The following NEXMIF variants were observed in gnomAD, a reference collection of about 807,000 sequenced individuals.
The protein encoded by NEXMIF is XLMR protein related to neurite extension.
NEXMIF carries 8 observed loss-of-function variants against 62.1 expected under a neutral mutation model. The observed-to-expected ratio is 0.13, with a 90% CI of 0.08 to 0.23. The LOEUF (loss-of-function observed/expected upper bound fraction) is 0.23, where lower values mean the gene tolerates loss of function less well. NEXMIF is among the 10% of genes least tolerant of loss of function. The pLI is 1.00. For missense variants in NEXMIF, 976 were observed against 1,113.3 expected (o/e 0.88, Z 1.75); for synonymous variants, 404 against 416.6 (o/e 0.97, Z 0.37).
intron 1 of NEXMIF, among the ~76,000 whole-genome samples, chrX:74,764,670 A>T (rs183827433): frequency 2.4e-4 from 27 of 110,998 alleles, no homozygotes; most frequent in Admixed American, 1.5e-3. Context: ...CCTCAATTTC[A>T]TCATTCACCC....
At chrX:74,793,688 T>C (rs2080294478) in intron 1 of NEXMIF, among the ~76,000 whole-genome samples, 1 of 104,051 alleles carries the variant, frequency 9.6e-6, no homozygotes, top group South Asian at 4.5e-4. Flanking sequence ...TTTATTCTTT[T>C]TTCTCTAAAC....
At chrX:74,858,754 G>A (rs1380465508) in intron 1 of NEXMIF, among the ~76,000 whole-genome samples, 2 of 110,101 alleles carry the variant, frequency 1.8e-5, no homozygotes, top group Non-Finnish European at 3.8e-5. Flanking sequence ...GCTGTTTTGA[G>A]GAAATTCAAA....
rs1422635812 is a variant in NEXMIF, at chrX:74,795,270, T to C, written c.-47-49573A>G. Among the ~76,000 whole-genome samples, 25 of 112,356 alleles carry C rather than the reference T, an allele frequency of 2.2e-4. No homozygotes were observed. The Admixed American group carries it at 2.4e-3, about 11-fold the overall frequency. ...AACTTTATTCCTAATTTCTCAAAGC[T>C]AAAAACAATCAAGATGTCTTTCAAC... On this transcript the variant is annotated intron_variant, in intron 1 of 3. Coordinates refer to ENST00000055682, the MANE Select transcript of NEXMIF (RefSeq NM_001008537.3).
At chrX:74,791,396 T>C (rs1421880137) in intron 1 of NEXMIF, among the ~76,000 whole-genome samples, 2 of 111,456 alleles carry the variant, frequency 1.8e-5, no homozygotes, top group Admixed American at 9.5e-5. Flanking sequence ...TTATTGAGGA[T>C]TTTTGCATCA....
At position 74,779,850 on chromosome X, in the gene NEXMIF, T is replaced by G. The variant is rs190226587; in HGVS notation, c.-47-34153A>C. Among the ~76,000 whole-genome samples, 10 of 111,892 alleles carry G rather than the reference T, an allele frequency of 8.9e-5. No individual in the cohort carries two copies. In the Admixed American group the frequency reaches 9.5e-4, roughly 11 times the overall value. ...TTTTAGGATTTTACATCTACCACCATACCCTGCCCCTAAACACATAGCTGG... is the reference window on the plus strand; with the variant it reads ...TTTTAGGATTTTACATCTACCACCAGACCCTGCCCCTAAACACATAGCTGG... On this transcript the variant is annotated intron_variant, in intron 1 of 3. Transcript: ENST00000055682.
chrX:74,844,547 C>A (rs746514730), intron 1 of NEXMIF, among the ~76,000 whole-genome samples: 1 of 111,248 alleles, frequency 9.0e-6, no homozygotes, highest in East Asian at 2.8e-4. Context: ...CCTCAACTCC[C>A]CTGGCGAGCC....
Position 74,740,468 on chromosome X carries a change from T to C in NEXMIF, c.4089A>G (p.Lys1363=), listed in dbSNP as rs745820364. The change falls in exon 3 of 4, where the codon AAA becomes AAG. Residue 1363 remains lysine, a synonymous_variant. Coordinates refer to ENST00000055682, the MANE Select transcript of NEXMIF (RefSeq NM_001008537.3). The part of the protein sequence containing the change: ...IFYSPESNSL[K]LKTLKILAGT... ...CAGCCAATATTTTGAGGGTTTTTAA[T>C]TTTAGACTATTGGACTCAGGGGAGT... 13 of 1,209,329 alleles carry C rather than the reference T, an allele frequency of 1.1e-5. No individual in the cohort carries two copies. The highest frequency in any genetic ancestry group is 1.8e-5 in the South Asian group (1 of 56,768).
At chrX:74,791,502 A>C (rs1465581731) in intron 1 of NEXMIF, among the ~76,000 whole-genome samples, 5 of 111,494 alleles carry the variant, frequency 4.5e-5, no homozygotes, top group Non-Finnish European at 7.5e-5. Flanking sequence ...AAAATGAGTT[A>C]GGGAGGATTC....
chrX:74,859,048 A>G (rs1158612236), intron 1 of NEXMIF, among the ~76,000 whole-genome samples: 1 of 111,116 alleles, frequency 9.0e-6, no homozygotes, highest in East Asian at 2.8e-4. Flanking sequence ...GAAATCTAAG[A>G]GTAATTGACC....
intron 1 of NEXMIF, among the ~76,000 whole-genome samples, chrX:74,882,315 A>G (rs1459849069): frequency 2.7e-5 from 3 of 112,040 alleles, no homozygotes; most frequent in African/African-American, 9.7e-5. Flanking sequence ...CAGTGGGTGC[A>G]GTGCACCGTG....
intron 1 of NEXMIF, among the ~76,000 whole-genome samples, chrX:74,879,349 A>G (rs1489594664): frequency 9.0e-6 from 1 of 111,481 alleles, no homozygotes; most frequent in Non-Finnish European, 1.9e-5. Context: ...ACAAATTCCA[A>G]GTAGGATAGA....
chrX:74,876,861 C>A (rs1431475490), intron 1 of NEXMIF, among the ~76,000 whole-genome samples: 1 of 108,832 alleles, frequency 9.2e-6, no homozygotes, highest in East Asian at 2.9e-4. Context: ...TTCCTCCATC[C>A]TTTTATTTTG....
At chrX:74,754,586 C>T (rs1385438796) in intron 1 of NEXMIF, among the ~76,000 whole-genome samples, 1 of 110,941 alleles carries the variant, frequency 9.0e-6, no homozygotes, top group Non-Finnish European at 1.9e-5. Context: ...GGATTACAGG[C>T]GTGAGTCACC....
At chrX:74,877,070 C>T (rs1232416867) in intron 1 of NEXMIF, among the ~76,000 whole-genome samples, 2 of 111,676 alleles carry the variant, frequency 1.8e-5, no homozygotes, top group South Asian at 7.7e-4. Flanking sequence ...TTAGTTGATG[C>T]AGTTTCTTCC....
At chrX:74,778,206 T>A (rs780304290) in intron 1 of NEXMIF, among the ~76,000 whole-genome samples, 1 of 111,898 alleles carries the variant, frequency 8.9e-6, no homozygotes, top group Non-Finnish European at 1.9e-5. Flanking sequence ...GCTACATACA[T>A]GTTTACCCAC....
At chrX:74,804,652 C>T (rs1404496427) in intron 1 of NEXMIF, among the ~76,000 whole-genome samples, 1 of 111,830 alleles carries the variant, frequency 8.9e-6, no homozygotes, top group Non-Finnish European at 1.9e-5. Context: ...CCACTCTTCC[C>T]TCTCCTCTCT....
At chrX:74,840,225 G>C in intron 1 of NEXMIF, among the ~76,000 whole-genome samples, 1 of 111,546 alleles carries the variant, frequency 9.0e-6, no homozygotes, top group Non-Finnish European at 1.9e-5. Context: ...TTTGAGAACT[G>C]TCTGTTCATA....
intron 2 of NEXMIF, among the ~76,000 whole-genome samples, chrX:74,744,891 T>A (rs1198950498): frequency 2.8e-5 from 3 of 106,473 alleles, no homozygotes; most frequent in African/African-American, 1.0e-4. Context: ...TTCCTTTTCT[T>A]TTCTTTTCTC....
Position 74,739,306 on chromosome X carries a change from C to T in NEXMIF, c.*99G>A, listed in dbSNP as rs1327440426. 7 of 546,058 alleles carry T rather than the reference C, an allele frequency of 1.3e-5. No individual in the cohort carries two copies. In the Admixed American group the frequency reaches 2.7e-4, roughly 21 times the overall value. The allele number at this position is 546,058 out of a possible 1,213,427, so 45.0% of individuals were successfully genotyped here. A position where few individuals can be genotyped will look rare whatever the true frequency, so the allele number is the denominator to read the frequency against. Reference sequence around the variant, plus strand: ...TAGAACATGAGATTAAAGTTTGCTCCAAAGACGTATTCCCACAATTTAAAA... The same window carrying T: ...TAGAACATGAGATTAAAGTTTGCTCTAAAGACGTATTCCCACAATTTAAAA... On this transcript the variant is annotated 3_prime_UTR_variant, in exon 4 of 4. Coordinates refer to ENST00000055682, the MANE Select transcript of NEXMIF (RefSeq NM_001008537.3).
Sources: allele counts gnomAD v4.1 joint callset (sites outside exome capture counted in the v4.1 genomes callset), GRCh38; gene constraint gnomAD v4.1.1; transcripts MANE v1.5; gene names NCBI Gene and HGNC (gene_info 2026-07-23, HGNC 2026-07-21).